The following IL17RC variants were observed in gnomAD, a reference collection of about 807,000 sequenced individuals.
IL17RC encodes interleukin 17 receptor C.
IL17RC carries 53 observed loss-of-function variants against 86.7 expected under a neutral mutation model. That is an observed-to-expected ratio of 0.61 (90% CI 0.49 to 0.77). The LOEUF is 0.77. Ranked by LOEUF, IL17RC falls within the 30% of genes least tolerant of loss-of-function variation. IL17RC has a pLI of 0.00. For missense variants in IL17RC, 957 were observed against 940.0 expected, an observed-to-expected ratio of 1.02 and a Z score of -0.24; for synonymous variants, 439 against 413.1, an observed-to-expected ratio of 1.06 and a Z score of -0.76.
chr3:9,922,140 A>G (rs1026887498), intron 7 of IL17RC, among the ~76,000 whole-genome samples: 1 of 151,368 alleles, frequency 6.6e-6, no homozygotes, highest in East Asian at 1.9e-4. Context: ...TTTAGTAGAC[A>G]TGGAGTTTCA....
rs570836701 is a variant in IL17RC at position 9,933,265 on chromosome 3, C to G, written c.1835C>G (p.Ser612Trp). The G allele has an allele frequency of 4.4e-6, 7 of 1,603,480 alleles. No homozygotes were observed. The highest frequency in any genetic ancestry group is 1.7e-5 in the Admixed American group (1 of 58,942). Residue 612 changes from serine (S) to tryptophan (W), a missense_variant, in exon 19 of 19, where the codon TCG becomes TGG. Transcript: ENST00000403601. ...AHGPHDAFRASLSCVLPDFLQ... is the reference protein window; with the variant it reads ...AHGPHDAFRAWLSCVLPDFLQ... The stretch of plus-strand genomic sequence containing the variant: ...GGCCCGCACGACGCCTTCCGCGCCT[C>G]GCTCAGCTGCGTGCTGCCCGACTTC...
Position 9,933,008 on chromosome 3 carries a change from C to A in IL17RC, c.1578C>A (p.Phe526Leu). 1 of 1,569,176 alleles carries A rather than the reference C, an allele frequency of 6.4e-7. No homozygotes were observed. Among genetic ancestry groups the A allele is most frequent in the African/African-American group, 1.4e-5 (1 of 73,228 alleles). ...LLLYSADDSG[F>L]ERLVGALASA... ...TCTACTCAGCCGATGACTCGGGTTT[C>A]GAGCGCCTGGTGGGCGCCCTGGCGT... The change falls in exon 19 of 19, where the codon TTC becomes TTA. Residue 526 changes from phenylalanine to leucine, a missense_variant. By Grantham distance (22) the Phe-to-Leu change is conservative. Transcript: ENST00000403601.
In IL17RC at chr3:9,926,598, G is replaced by GT. The variant is rs890123827; in HGVS notation, c.823-1561dup. ...TGCACATAGCGCCTACTTGTTTTTT[G>GT]TTTTTTTGTGTTTTTGTTTTTTTTT... On this transcript the variant is annotated intron_variant, in intron 9 of 18. Transcript: ENST00000403601. Among the ~76,000 whole-genome samples, 18 of 150,714 alleles carry GT rather than the reference G, an allele frequency of 1.2e-4. No individual in the cohort carries two copies. The East Asian group carries it at 1.9e-3, about 16-fold the overall frequency.
Position 9,918,374 on chromosome 3 carries a change from G to A in IL17RC, c.320G>A (p.Gly107Glu), listed in dbSNP as rs1435439560. ...EEPEDEEKFG[G>E]AADSGVEEPR... Reference sequence around the variant, plus strand: ...CCTGAAGATGAGGAAAAGTTTGGAGGAGCAGCTGACTCAGGGGTGGAGGAG... The same window carrying A: ...CCTGAAGATGAGGAAAAGTTTGGAGAAGCAGCTGACTCAGGGGTGGAGGAG... The change falls in exon 4 of 19, where the codon GGA (glycine) becomes GAA (glutamate). Residue 107 changes from glycine (G) to glutamate (E), a missense_variant. By Grantham distance (98) the Gly-to-Glu change is moderately conservative. Coordinates refer to ENST00000403601, the MANE Select transcript of IL17RC (RefSeq NM_153460.4). The A allele has an allele frequency of 5.6e-6, 9 of 1,606,832 alleles. No homozygotes were observed. Among genetic ancestry groups the A allele is most frequent in the Non-Finnish European group, 7.6e-6 (9 of 1,176,648 alleles).
Position 9,918,021 on chromosome 3 carries a change from A to T in IL17RC, c.226A>T (p.Lys76Ter). The change falls in exon 3 of 19, where the codon AAG becomes TAG. Residue 76 changes from lysine to a stop codon, truncating the protein, a stop_gained. Coordinates refer to ENST00000403601, the MANE Select transcript of IL17RC (RefSeq NM_153460.4). LOFTEE classifies it high-confidence loss of function. ...LQTELVLRCQ[K>*]ETDCDLCLRV... is the part of the protein sequence containing the mutation. ...GACAGAGCTGGTGCTGAGGTGCCAG[A>T]AGGAGACCGACTGTGACCTCTGTCT... 6.2e-7 allele frequency: 1 copy of T among 1,612,196 alleles called. No homozygotes were observed. Among genetic ancestry groups the T allele is most frequent in the South Asian group, 1.1e-5 (1 of 90,802 alleles).
intron 12 of IL17RC, 36 bp downstream of exon 12, chr3:9,928,666 G>A (rs773431886): frequency 1.2e-6 from 2 of 1,609,564 alleles, no homozygotes; most frequent in East Asian, 2.2e-5. Context: ...GCTGGAGGCT[G>A]GACCTGGGCA....
In IL17RC at chr3:9,924,263, C is replaced by T. The variant is rs2083857302; in HGVS notation, c.794C>T (p.Thr265Ile). Reference sequence around the variant, plus strand: ...CCGCAGATCATTACCTTGAACCACACAGACCTGGTTCCCTGCCTCTGTATT... The same window carrying T: ...CCGCAGATCATTACCTTGAACCACATAGACCTGGTTCCCTGCCTCTGTATT... ...TGPQIITLNH[T>I]DLVPCLCIQV... The change falls in exon 9 of 19, where the codon ACA becomes ATA. Residue 265 changes from threonine to isoleucine, a missense_variant. Physicochemically the swap from Thr to Ile is moderately conservative, Grantham distance 89. Transcript: ENST00000403601. The T allele has an allele frequency of 1.2e-6, 2 of 1,613,966 alleles. No homozygotes were observed. Among genetic ancestry groups the T allele is most frequent in the African/African-American group, 2.7e-5 (2 of 74,918 alleles).
At position 9,917,993 on chromosome 3, in the gene IL17RC, G is replaced by T; in HGVS notation, c.198G>T (p.Leu66=). The stretch of plus-strand genomic sequence containing the variant: ...GCCCCGTGCTGGCGCCTACGCACCT[G>T]CAGACAGAGCTGGTGCTGAGGTGCC... ...APGPVLAPTH[L]QTELVLRCQK... The change falls in exon 3 of 19, where the codon CTG becomes CTT. Residue 66 remains leucine (L), a synonymous_variant. Transcript: ENST00000403601. 6.2e-7 allele frequency: 1 copy of T among 1,613,858 alleles called. No individual in the cohort carries two copies. Among genetic ancestry groups the T allele is most frequent in the Non-Finnish European group, 8.5e-7 (1 of 1,179,946 alleles).
In IL17RC at chr3:9,930,646, C is replaced by T; in HGVS notation, c.1338+187C>T. 2.9e-6 allele frequency: 2 copies of T among 685,436 alleles called. No homozygotes were observed. Among genetic ancestry groups the T allele is most frequent in the Non-Finnish European group, 5.0e-6 (2 of 398,166 alleles). The allele number at this position is 685,436 out of a possible 1,614,324, so 42.5% of individuals were successfully genotyped here. A position where few individuals can be genotyped will look rare whatever the true frequency, so the allele number is the denominator to read the frequency against. On this transcript the variant is annotated intron_variant, in intron 15 of 18. Coordinates refer to ENST00000403601, the MANE Select transcript of IL17RC (RefSeq NM_153460.4). The surrounding 1 kb of genome is among the most constrained non-coding windows in gnomAD (Gnocchi z 5.8). ...GACACCCATAAACAGATAACCACAC[C>T]TACAGGTGCTAAGTTTTGGGTTCCA...
chr3:9,917,450 A>G, intron 1 of IL17RC, 30 bp downstream of exon 1: 1 of 1,614,174 alleles, frequency 6.2e-7, no homozygotes, highest in Middle Eastern at 1.6e-4. Flanking sequence ...GAGACGAGGA[A>G]AGGCTCAGGG....
At position 9,923,993 on chromosome 3, in the gene IL17RC, C is replaced by T; in HGVS notation, c.735C>T (p.Pro245=). 3 of 1,614,080 alleles carry T rather than the reference C, an allele frequency of 1.9e-6. No homozygotes were observed. Among genetic ancestry groups the T allele is most frequent in the Non-Finnish European group, 2.5e-6 (3 of 1,180,032 alleles). ...TGTACTGGAATCAGGTCCAGGGCCC[C>T]CCAAAACCCCGGTGGCACAAAAACC... The part of the protein sequence containing the change: ...LSLYWNQVQG[P]PKPRWHKNLT... Residue 245 remains proline, a synonymous_variant, in exon 8 of 19, where the codon CCC becomes CCT. Transcript: ENST00000403601.
intron 16 of IL17RC, among the ~76,000 whole-genome samples, chr3:9,931,458 CACACACACACACATATATATATAT>C (rs2084648103): frequency 3.0e-4 from 3 of 9,838 alleles, no homozygotes; most frequent in South Asian, 0.019. Flanking sequence ...ATATTTCACA[CACACACACACACATATATATATAT>C]ATATATATAT....
chr3:9,927,748 C>A (rs1168688586), intron 9 of IL17RC, among the ~76,000 whole-genome samples: 4 of 152,072 alleles, frequency 2.6e-5, no homozygotes, highest in Non-Finnish European at 5.9e-5. Flanking sequence ...CGAGACCAGC[C>A]TGATCAATGT....
intron 5 of IL17RC, among the ~76,000 whole-genome samples, chr3:9,919,510 G>A (rs1271272588): frequency 6.6e-6 from 1 of 152,076 alleles, no homozygotes; most frequent in African/African-American, 2.4e-5. Flanking sequence ...GCCAGGCATG[G>A]TGGTGGGCGC....
intron 5 of IL17RC, chr3:9,919,145 C>T (rs1198572876): frequency 1.3e-5 from 2 of 152,060 alleles, no homozygotes; most frequent in African/African-American, 2.4e-5. Flanking sequence ...ATATGTGGTG[C>T]CAAAACAAGC....
chr3:9,917,200 C>A lies in IL17RC; in HGVS notation c.-116C>A, dbSNP rs935641810. On this transcript the variant is annotated 5_prime_UTR_variant, in exon 1 of 19. In the 5' UTR this introduces an upstream ATG that the reference lacks. Coordinates refer to ENST00000403601, the MANE Select transcript of IL17RC (RefSeq NM_153460.4). ...CAGCCCCCTCCGCCCCCTCTGGAGG[C>A]TGAAGAGGGATTCCAGCCCCTGCCA... 1 of 762,604 alleles carries A rather than the reference C, an allele frequency of 1.3e-6. No individual in the cohort carries two copies. The highest frequency in any genetic ancestry group is 2.1e-6 in the Non-Finnish European group (1 of 472,840). The allele number at this position is 762,604 out of a possible 1,614,324, so 47.2% of individuals were successfully genotyped here.
At chr3:9,922,375 T>C (rs1485769724) in intron 7 of IL17RC, among the ~76,000 whole-genome samples, 1 of 152,252 alleles carries the variant, frequency 6.6e-6, no homozygotes, top group Non-Finnish European at 1.5e-5. Context: ...CATTTTCTTT[T>C]TGCCTTCTTA....
Position 9,917,723 on chromosome 3 carries a change from G to T in IL17RC, c.116G>T (p.Cys39Phe), listed in dbSNP as rs753971413. The change falls in exon 2 of 19, where the codon TGC (cysteine) becomes TTC (phenylalanine). Residue 39 changes from cysteine (C) to phenylalanine (F), a missense_variant. Cys to Phe is a radical substitution (Grantham distance 205, BLOSUM62 -2). Coordinates refer to ENST00000403601, the MANE Select transcript of IL17RC (RefSeq NM_153460.4). Reference sequence around the variant, plus strand: ...TTCTTTCCTTCCCAGGGCCTCTCCTGCCGCCTCTGGGGTAAGTATCCCTAC... The same window carrying T: ...TTCTTTCCTTCCCAGGGCCTCTCCTTCCGCCTCTGGGGTAAGTATCCCTAC... The part of the protein sequence containing the change: ...DATHCSPGLS[C>F]RLWDSDILCL... The T allele has an allele frequency of 6.2e-7, 1 of 1,613,728 alleles. No individual in the cohort carries two copies. Among genetic ancestry groups the T allele is most frequent in the South Asian group, 1.1e-5 (1 of 91,086 alleles).
rs368045916 is a variant in IL17RC, at chr3:9,930,080, C to T, written c.1209C>T (p.Pro403=). 3 of 1,614,022 alleles carry T rather than the reference C, an allele frequency of 1.9e-6. No homozygotes were observed. The highest frequency in any genetic ancestry group is 4.5e-5 in the East Asian group (2 of 44,896). The stretch of plus-strand genomic sequence containing the variant: ...TGCTACTGTTGGAGACACGAGGCCC[C>T]CAGGACAACAGATCCCTCTGTGCCT... ...DDVLLLETRG[P]QDNRSLCALE... The change falls in exon 14 of 19, where the codon CCC becomes CCT. Residue 403 remains proline, a synonymous_variant. Coordinates refer to ENST00000403601, the MANE Select transcript of IL17RC (RefSeq NM_153460.4). The surrounding 1 kb of genome is among the most constrained non-coding windows in gnomAD (Gnocchi z 5.8).
Sources: gnomAD v4.1 joint callset for allele counts (sites outside exome capture counted in the v4.1 genomes callset) on GRCh38, gnomAD v4.1.1 for gene constraint, Gnocchi (gnomAD v3.1) non-coding constraint, MANE v1.5 for transcripts, NCBI Gene and HGNC (gene_info 2026-07-23, HGNC 2026-07-21) for gene names.